Variants in CNTNAP2 observed in about 807,000 individuals in gnomAD.
CNTNAP2 encodes contactin-associated protein-like 2.
CNTNAP2 carries 98 observed loss-of-function variants against 155.2 expected under a neutral mutation model. The observed-to-expected ratio is 0.63, with a 90% CI of 0.54 to 0.75. CNTNAP2 has a LOEUF of 0.75. Ranked by LOEUF, CNTNAP2 falls within the 30% of genes least tolerant of loss-of-function variation. The pLI, the probability that CNTNAP2 is intolerant of heterozygous loss-of-function variation, is 0.00. For synonymous variants in CNTNAP2, 651 were observed against 631.2 expected (o/e 1.03, Z -0.47); for missense variants, 1,727 against 1,688.1 (o/e 1.02, Z -0.40).
intron 1 of CNTNAP2, among the ~76,000 whole-genome samples, chr7:146,276,930 A>G (rs1486770918): frequency 6.6e-6 from 1 of 152,190 alleles, no homozygotes; most frequent in East Asian, 1.9e-4. Context: ...AAAGACATCC[A>G]CCCAGTACCT....
intron 2 of CNTNAP2, among the ~76,000 whole-genome samples, chr7:146,782,985 TATC>T (rs748982647): frequency 9.2e-5 from 14 of 152,258 alleles, no homozygotes; most frequent in Non-Finnish European, 1.8e-4. Flanking sequence ...GACAAAATAT[TATC>T]ATAATAATTT....
At chr7:147,173,638 G>T (rs774292955) in intron 8 of CNTNAP2, among the ~76,000 whole-genome samples, 1 of 152,074 alleles carries the variant, frequency 6.6e-6, no homozygotes, top group Non-Finnish European at 1.5e-5. Flanking sequence ...TGTATAAACC[G>T]TACAACTAGA....
chr7:148,288,127 T>G (rs1401319841), intron 21 of CNTNAP2, among the ~76,000 whole-genome samples: 1 of 135,782 alleles, frequency 7.4e-6, no homozygotes, highest in East Asian at 2.2e-4. Context: ...TTAAAGACAG[T>G]CTCACACTGT....
intron 1 of CNTNAP2, among the ~76,000 whole-genome samples, chr7:146,281,506 C>T (rs929773065): frequency 4.6e-5 from 7 of 152,086 alleles, no homozygotes; most frequent in Non-Finnish European, 8.8e-5. Context: ...AGTTAAATTA[C>T]TTAATTTCAG....
chr7:146,448,643 C>T (rs1474546904), intron 1 of CNTNAP2, among the ~76,000 whole-genome samples: 1 of 151,808 alleles, frequency 6.6e-6, no homozygotes, highest in Non-Finnish European at 1.5e-5. Context: ...GCAGAGATTC[C>T]ATGCATTTTA....
At chr7:146,350,437 A>G (rs1163448598) in intron 1 of CNTNAP2, among the ~76,000 whole-genome samples, 1 of 152,210 alleles carries the variant, frequency 6.6e-6, no homozygotes, top group Non-Finnish European at 1.5e-5. Context: ...AATGCTCATC[A>G]TCACTGTCCA....
chr7:147,385,902 C>T (rs1485733865), intron 9 of CNTNAP2, among the ~76,000 whole-genome samples: 2 of 152,222 alleles, frequency 1.3e-5, no homozygotes, highest in African/African-American at 4.8e-5. Context: ...ATGAGGGTCC[C>T]ATCTCTGCAG....
At chr7:146,426,212 T>TAAAAAAAAAAAAAAAAAAAAAAAAA (rs1554431713) in intron 1 of CNTNAP2, among the ~76,000 whole-genome samples, 6 of 113,284 alleles carry the variant, frequency 5.3e-5, no homozygotes, top group African/African-American at 1.9e-4. Flanking sequence ...AAAAAAAAAT[T>TAAAAAAAAAAAAAAAAAAAAAAAAA]AAAACTTAAG....
intron 8 of CNTNAP2, among the ~76,000 whole-genome samples, chr7:147,183,852 C>A (rs1033435622): frequency 2.0e-5 from 3 of 152,130 alleles, no homozygotes; most frequent in Non-Finnish European, 4.4e-5. Context: ...CCTATTGTGG[C>A]TGAAACATGG....
chr7:146,926,946 T>G (rs1245686871), intron 3 of CNTNAP2, among the ~76,000 whole-genome samples: 1 of 152,130 alleles, frequency 6.6e-6, no homozygotes, highest in Non-Finnish European at 1.5e-5. Context: ...GATTCAGCCT[T>G]TAACCCCGAA....
chr7:146,883,408 A>G (rs906226629), intron 3 of CNTNAP2, among the ~76,000 whole-genome samples: 3 of 151,220 alleles, frequency 2.0e-5, no homozygotes, highest in Admixed American at 1.3e-4. Context: ...GTTTTTTTCT[A>G]TGTGTTCAAA....
chr7:148,110,113 C>T (rs542255871), intron 15 of CNTNAP2, among the ~76,000 whole-genome samples: 2 of 150,694 alleles, frequency 1.3e-5, no homozygotes, highest in East Asian at 4.0e-4. Flanking sequence ...TCTCGGTGGG[C>T]TTTTGTTACA....
At chr7:147,647,089 G>A (rs1368993197) in intron 13 of CNTNAP2, among the ~76,000 whole-genome samples, 3 of 151,258 alleles carry the variant, frequency 2.0e-5, no homozygotes, top group Non-Finnish European at 2.9e-5. Context: ...CAAGTGATTC[G>A]TGATTCTCCT....
At chr7:146,997,424 C>T (rs185893712) in intron 3 of CNTNAP2, among the ~76,000 whole-genome samples, 263 of 152,214 alleles carry the variant, frequency 1.7e-3, no homozygotes, top group Admixed American at 5.7e-3. Flanking sequence ...GTAAATCTAA[C>T]GTATCACAAT....
At chr7:148,390,163 T>C (rs911605635) in intron 22 of CNTNAP2, among the ~76,000 whole-genome samples, 2 of 152,226 alleles carry the variant, frequency 1.3e-5, no homozygotes, top group Non-Finnish European at 2.9e-5. Flanking sequence ...TAGTAAAGGC[T>C]GTACCATCAA....
chr7:147,720,699 A>G (rs1267334213), intron 13 of CNTNAP2, among the ~76,000 whole-genome samples: 1 of 152,014 alleles, frequency 6.6e-6, no homozygotes, highest in Non-Finnish European at 1.5e-5. Flanking sequence ...TTCACTAGGC[A>G]CTTCTCCTTC....
intron 21 of CNTNAP2, among the ~76,000 whole-genome samples, chr7:148,272,396 A>G (rs1309216717): frequency 6.6e-6 from 1 of 151,956 alleles, no homozygotes; most frequent in South Asian, 2.1e-4. Flanking sequence ...AGGAAGAGAA[A>G]TATAACTTGA....
intron 1 of CNTNAP2, among the ~76,000 whole-genome samples, chr7:146,159,854 A>G (rs1798189479): frequency 6.6e-6 from 1 of 152,186 alleles, no homozygotes; most frequent in Non-Finnish European, 1.5e-5. Context: ...TAACAAGGAT[A>G]TCCAGGAATT....
chr7:148,128,106 C>T (rs565608364), intron 16 of CNTNAP2, among the ~76,000 whole-genome samples: 4 of 152,136 alleles, frequency 2.6e-5, no homozygotes, highest in East Asian at 3.9e-4. Flanking sequence ...TGGACTCAAG[C>T]GATCCACCCG....
Sources: allele counts gnomAD v4.1 joint callset (sites outside exome capture counted in the v4.1 genomes callset), GRCh38; gene constraint gnomAD v4.1.1; transcripts MANE v1.5; gene names NCBI Gene and HGNC (gene_info 2026-07-23, HGNC 2026-07-21).